The following ZNF782 variants were observed in gnomAD, a reference collection of about 807,000 sequenced individuals.
ZNF782 encodes the protein zinc finger protein 782.
A neutral mutation model predicts 13.0 loss-of-function variants in ZNF782; 12 were observed. The ratio of observed to expected loss-of-function variants is 0.92; its 90% confidence interval spans 0.59 to 1.50. The LOEUF (loss-of-function observed/expected upper bound fraction) is 1.50. Ranked by LOEUF, ZNF782 falls within the 40% of genes most tolerant of loss-of-function variation. ZNF782 has a pLI of 0.00. For missense variants in ZNF782, 770 were observed against 822.9 expected, an observed-to-expected ratio of 0.94 and a Z score of 0.79; for synonymous variants, 284 against 283.0, an observed-to-expected ratio of 1.00 and a Z score of -0.04.
the ZNF782 span, among the ~76,000 whole-genome samples, chr9:96,912,870 T>C: frequency 1.3e-5 from 2 of 151,896 alleles, no homozygotes; most frequent in African/African-American, 4.8e-5. Flanking sequence ...GGGGTTTTTT[T>C]TGGCCTGTTT....
chr9:96,905,114 G>A, the ZNF782 span, among the ~76,000 whole-genome samples: 1 of 141,874 alleles, frequency 7.0e-6, no homozygotes, highest in Non-Finnish European at 1.5e-5. Flanking sequence ...GGTAAAATAA[G>A]GCTGAGACCT....
At chr9:96,916,239 C>T in the ZNF782 span, among the ~76,000 whole-genome samples, 1 of 151,924 alleles carries the variant, frequency 6.6e-6, no homozygotes, top group Admixed American at 6.6e-5. Flanking sequence ...CGCCTGTAAT[C>T]CCAGCACTTT....
chr9:96,858,235 T>C (rs1480285256), upstream of ZNF782, among the ~76,000 whole-genome samples: 2 of 152,238 alleles, frequency 1.3e-5, no homozygotes, highest in African/African-American at 4.8e-5. This position sits in a 1 kb window ranked among gnomAD's most constrained non-coding sequence, Gnocchi z 4.4. Context: ...CCTGTGCCCC[T>C]ATCCCCTCCC....
intron 4 of ZNF782, among the ~76,000 whole-genome samples, chr9:96,832,182 A>G (rs1453087900): frequency 2.0e-5 from 3 of 152,166 alleles, no homozygotes; most frequent in Non-Finnish European, 2.9e-5. Context: ...ATATTAAATT[A>G]TACACATATT....
At chr9:96,912,219 AAACT>A in the ZNF782 span, among the ~76,000 whole-genome samples, 4 of 148,994 alleles carry the variant, frequency 2.7e-5, no homozygotes, top group Admixed American at 1.3e-4. Context: ...AAAAAAAAAA[AAACT>A]AACTAAAAAA....
chr9:96,931,466 C>T, the ZNF782 span, among the ~76,000 whole-genome samples: 12 of 151,656 alleles, frequency 7.9e-5, no homozygotes, highest in Non-Finnish European at 2.9e-5. Context: ...CGAGGGAGAC[C>T]CTCAGAGACA....
At chr9:96,832,491 G>C (rs929616153) in intron 4 of ZNF782, among the ~76,000 whole-genome samples, 3 of 152,062 alleles carry the variant, frequency 2.0e-5, no homozygotes, top group African/African-American at 4.8e-5. Context: ...TCTGTTCCAA[G>C]AACTTCCTTC....
At chr9:96,823,385 T>A (rs1850492292) in intron 5 of ZNF782, among the ~76,000 whole-genome samples, 1 of 152,238 alleles carries the variant, frequency 6.6e-6, no homozygotes, top group Non-Finnish European at 1.5e-5. Flanking sequence ...CCATTTTTCC[T>A]CAGAACACTT....
chr9:96,825,994 T>C (rs1347273598), intron 5 of ZNF782, among the ~76,000 whole-genome samples: 3 of 152,256 alleles, frequency 2.0e-5, no homozygotes, highest in Admixed American at 1.3e-4. Flanking sequence ...AGTGTGGCAA[T>C]TCCTCAGGGA....
intron 4 of ZNF782, among the ~76,000 whole-genome samples, chr9:96,840,816 T>G (rs1813573017): frequency 6.6e-6 from 1 of 151,918 alleles, no homozygotes; most frequent in African/African-American, 2.4e-5. Flanking sequence ...AGAGAAAAAG[T>G]CTCAAATTAA....
the ZNF782 span, among the ~76,000 whole-genome samples, chr9:96,885,793 TTTCCTTCC>T: frequency 8.6e-5 from 13 of 151,968 alleles, no homozygotes; most frequent in Non-Finnish European, 1.9e-4. Context: ...ATAACTTATT[TTTCCTTCC>T]TTCCTTCCTT....
intron 4 of ZNF782, among the ~76,000 whole-genome samples, chr9:96,834,170 C>T (rs929093298): frequency 3.3e-5 from 5 of 152,218 alleles, no homozygotes; most frequent in African/African-American, 7.2e-5. Flanking sequence ...ATAATCCCCA[C>T]GTCATGGGAC....
At chr9:96,876,050 G>T (rs1234205714), upstream of ZNF782, among the ~76,000 whole-genome samples, 1 of 152,204 alleles carries the variant, frequency 6.6e-6, no homozygotes, top group Non-Finnish European at 1.5e-5. Context: ...CGCCTGGCCA[G>T]GTTCTGCCAG....
intron 4 of ZNF782, among the ~76,000 whole-genome samples, chr9:96,839,636 C>A (rs1851127788): frequency 1.3e-5 from 2 of 152,084 alleles, no homozygotes; most frequent in African/African-American, 4.8e-5. Flanking sequence ...AAAAGTCTCA[C>A]TTCCATTCCT....
the ZNF782 span, among the ~76,000 whole-genome samples, chr9:96,918,227 C>T: frequency 2.7e-5 from 4 of 150,492 alleles, no homozygotes; most frequent in Non-Finnish European, 5.9e-5. Context: ...ATGGTGAAAG[C>T]CTGTCTGTAC....
chr9:96,826,941 T>C (rs1850642231), intron 5 of ZNF782, 139 bp downstream of exon 5: 4 of 555,926 alleles, frequency 7.2e-6, no homozygotes, highest in East Asian at 3.1e-5. Flanking sequence ...CTTTGCCCCA[T>C]GCACCTTTTA....
At chr9:96,844,593 G>C (rs1196405524) in intron 4 of ZNF782, among the ~76,000 whole-genome samples, 2 of 152,114 alleles carry the variant, frequency 1.3e-5, no homozygotes, top group Non-Finnish European at 2.9e-5. Flanking sequence ...GGGATGGAGG[G>C]AGGGGACTCA....
chr9:96,929,981 A>C, the ZNF782 span, among the ~76,000 whole-genome samples: 6 of 152,174 alleles, frequency 3.9e-5, no homozygotes. Flanking sequence ...TATTATTATT[A>C]TTATTCAAAC....
chr9:96,918,168 G>A, the ZNF782 span, among the ~76,000 whole-genome samples: 1 of 151,206 alleles, frequency 6.6e-6, no homozygotes, highest in Non-Finnish European at 1.5e-5. Flanking sequence ...TTGGGAGGCC[G>A]AGGCAGGTGG....
Sources: allele counts gnomAD v4.1 joint callset (sites outside exome capture counted in the v4.1 genomes callset), GRCh38; gene constraint gnomAD v4.1.1; non-coding constraint Gnocchi (gnomAD v3.1); transcripts MANE v1.5; gene names NCBI Gene and HGNC (gene_info 2026-07-23, HGNC 2026-07-21).